ERBB4: variants seen among roughly 807,000 people sequenced by gnomAD.
ERBB4 encodes the protein receptor tyrosine-protein kinase erbB-4.
A neutral mutation model predicts 158.0 loss-of-function variants in ERBB4; 42 were observed. That is an observed-to-expected ratio of 0.27 (90% confidence interval 0.21 to 0.34). ERBB4 has a LOEUF of 0.34. Among genes scored for constraint, ERBB4 ranks in the 10% least tolerant of loss-of-function variants. The pLI, the probability that ERBB4 is intolerant of heterozygous loss-of-function variation, is 1.00. For missense variants in ERBB4, 1,333 were observed against 1,624.1 expected (o/e 0.82, Z 3.08); for synonymous variants, 583 against 558.7 (o/e 1.04, Z -0.61).
chr2:212,526,357 A>G lies in ERBB4; in HGVS notation c.82+12092T>C, dbSNP rs1014682029. Among the ~76,000 whole-genome samples, 10 of 152,192 alleles carry G rather than the reference A, an allele frequency of 6.6e-5. 1 individual carries two copies. Among genetic ancestry groups the G allele is most frequent in the Admixed American group, 6.5e-4 (10 of 15,282 alleles). On this transcript the variant is annotated intron_variant, in intron 1 of 27. Coordinates refer to ENST00000342788, the MANE Select transcript of ERBB4 (RefSeq NM_005235.3). Reference sequence around the variant, plus strand: ...AAAAATAATGAATGCCCCTTTTACCAACAGTTGCATAAAATGTTTTGTCTA... The same window carrying G: ...AAAAATAATGAATGCCCCTTTTACCGACAGTTGCATAAAATGTTTTGTCTA...
At chr2:212,253,737 A>T (rs557937243) in intron 1 of ERBB4, among the ~76,000 whole-genome samples, 5 of 152,152 alleles carry the variant, frequency 3.3e-5, no homozygotes, top group Non-Finnish European at 5.9e-5. Flanking sequence ...AAAGTTAGTT[A>T]AGTAGTTAAG....
chr2:211,796,286 A>G lies in ERBB4; in HGVS notation c.422-8127T>C, dbSNP rs189949175. On this transcript the variant is annotated intron_variant, in intron 3 of 27. Transcript: ENST00000342788. Reference sequence around the variant, plus strand: ...TCTTGTGTCTGGCTCCTTTTGCTCGATATTATGTTTGTGAAATTCATCTAT... The same window carrying G: ...TCTTGTGTCTGGCTCCTTTTGCTCGGTATTATGTTTGTGAAATTCATCTAT... 6.3e-3 allele frequency among the ~76,000 whole-genome samples: 953 copies of G among 151,934 alleles called. 17 individuals carry two copies. The highest frequency in any genetic ancestry group is 0.048 in the Middle Eastern group (14 of 294).
intron 1 of ERBB4, among the ~76,000 whole-genome samples, chr2:212,350,817 A>AT (rs2089220086): frequency 6.6e-6 from 1 of 151,908 alleles, no homozygotes; most frequent in Non-Finnish European, 1.5e-5. Flanking sequence ...TAATAAAAAA[A>AT]ATGCACATTG....
chr2:212,006,517 A>C (rs1011312695), intron 2 of ERBB4, among the ~76,000 whole-genome samples: 2 of 152,114 alleles, frequency 1.3e-5, no homozygotes, highest in African/African-American at 4.8e-5. Context: ...AAAATAACCC[A>C]AACTAAAAAT....
At chr2:212,496,697 A>C (rs1690592746) in intron 1 of ERBB4, among the ~76,000 whole-genome samples, 1 of 152,146 alleles carries the variant, frequency 6.6e-6, no homozygotes, top group South Asian at 2.1e-4. Context: ...GTTTTAGAAA[A>C]TTTGTCAGTC....
intron 2 of ERBB4, among the ~76,000 whole-genome samples, chr2:212,003,457 C>T (rs1879635): frequency 0.079 from 12,040 of 151,690 alleles, 1,265 homozygotes; most frequent in East Asian, 0.56. Context: ...GAACACAAGG[C>T]AGGAGAATAG....
intron 1 of ERBB4, among the ~76,000 whole-genome samples, chr2:212,140,994 A>G (rs899362868): frequency 1.3e-5 from 2 of 151,544 alleles, no homozygotes; most frequent in East Asian, 1.9e-4. Context: ...TTTCTATTTT[A>G]CTAATTATTT....
At chr2:212,079,126 T>G (rs1334506111) in intron 2 of ERBB4, among the ~76,000 whole-genome samples, 1 of 151,252 alleles carries the variant, frequency 6.6e-6, no homozygotes, top group Non-Finnish European at 1.5e-5. Flanking sequence ...AATAAAAATT[T>G]TTATATATAT....
chr2:211,756,478 C>T lies in ERBB4; in HGVS notation c.557-5774G>A, dbSNP rs140898877. Among the ~76,000 whole-genome samples the T allele has an allele frequency of 3.3e-5, 5 of 152,190 alleles. No individual in the cohort carries two copies. In the East Asian group the frequency reaches 5.8e-4, roughly 18 times the overall value. ...TGGAGCGTGAGCTTACAAAGTATCA[C>T]GAAAGCCTTCTAAACAGTTTGGAGT... On this transcript the variant is annotated intron_variant, in intron 4 of 27. Coordinates refer to ENST00000342788, the MANE Select transcript of ERBB4 (RefSeq NM_005235.3).
At chr2:211,925,117 A>T (rs894974005) in intron 3 of ERBB4, among the ~76,000 whole-genome samples, 1 of 152,190 alleles carries the variant, frequency 6.6e-6, no homozygotes, top group African/African-American at 2.4e-5. Context: ...GAAATACTAT[A>T]GTTGGAGACA....
chr2:212,342,849 T>C (rs909709813), intron 1 of ERBB4, among the ~76,000 whole-genome samples: 1 of 152,230 alleles, frequency 6.6e-6, no homozygotes, highest in Non-Finnish European at 1.5e-5. Flanking sequence ...TTAAAAGTAG[T>C]ATTCTTCTTA....
chr2:212,321,198 C>G (rs190057112), intron 1 of ERBB4, among the ~76,000 whole-genome samples: 5 of 150,210 alleles, frequency 3.3e-5, no homozygotes, highest in Admixed American at 3.3e-4. Flanking sequence ...TATATTTTGC[C>G]ATCGTGTAAT....
intron 1 of ERBB4, among the ~76,000 whole-genome samples, chr2:212,522,627 G>A (rs950190478): frequency 2.0e-5 from 3 of 151,928 alleles, no homozygotes; most frequent in Non-Finnish European, 2.9e-5. Flanking sequence ...CAGCCAGACA[G>A]AAGCATTGGA....
chr2:211,606,010 G>C (rs1235736496), intron 19 of ERBB4, among the ~76,000 whole-genome samples: 1 of 151,866 alleles, frequency 6.6e-6, no homozygotes, highest in Non-Finnish European at 1.5e-5. Flanking sequence ...TTGAAAAATG[G>C]AACTGCCCAC....
chr2:211,879,523 C>A, intron 3 of ERBB4, among the ~76,000 whole-genome samples: 1 of 152,150 alleles, frequency 6.6e-6, no homozygotes, highest in East Asian at 1.9e-4. Context: ...CAGGGTGTGG[C>A]AACACAGGCA....
Position 211,657,828 on chromosome 2 carries a change from C to A in ERBB4, c.1872G>T (p.Gly624=). Residue 624 remains glycine (G), a splice_region_variant and synonymous_variant, in exon 16 of 28, where the codon GGG becomes GGT. Coordinates refer to ENST00000342788, the MANE Select transcript of ERBB4 (RefSeq NM_005235.3). ...AGTCATGACTAGTGGGACCGTTACACCTGCAGGCAATTACAGAACAGAAAA... is the reference window on the plus strand; with the variant it reads ...AGTCATGACTAGTGGGACCGTTACAACTGCAGGCAATTACAGAACAGAAAA... ...CHPCHPNCTQ[G]CNGPTSHDCI... 1.2e-6 allele frequency: 2 copies of A among 1,613,742 alleles called. No homozygotes were observed. Among genetic ancestry groups the A allele is most frequent in the Non-Finnish European group, 1.7e-6 (2 of 1,179,702 alleles).
At chr2:212,178,580 T>G (rs948957354) in intron 1 of ERBB4, among the ~76,000 whole-genome samples, 4 of 151,762 alleles carry the variant, frequency 2.6e-5, no homozygotes, top group African/African-American at 9.7e-5. Context: ...CTGAAAACCC[T>G]AAACTCAAAT....
intron 1 of ERBB4, among the ~76,000 whole-genome samples, chr2:212,231,525 C>G (rs1349677285): frequency 6.6e-6 from 1 of 152,192 alleles, no homozygotes; most frequent in Non-Finnish European, 1.5e-5. Flanking sequence ...AAAGAAACCT[C>G]TGTTTTCATC....
At chr2:211,962,536 G>A (rs957644221) in intron 2 of ERBB4, among the ~76,000 whole-genome samples, 2 of 152,064 alleles carry the variant, frequency 1.3e-5, no homozygotes, top group Non-Finnish European at 2.9e-5. Context: ...CAGGCAATGG[G>A]GAATTAGTGG....
Sources: allele counts gnomAD v4.1 joint callset (sites outside exome capture counted in the v4.1 genomes callset), GRCh38; gene constraint gnomAD v4.1.1; transcripts MANE v1.5; gene names NCBI Gene and HGNC (gene_info 2026-07-23, HGNC 2026-07-21).